ADGRB3: variants seen among roughly 807,000 people sequenced by gnomAD.
The protein encoded by ADGRB3 is adhesion G protein-coupled receptor B3.
ADGRB3 carries 37 observed loss-of-function variants against 193.4 expected under a neutral mutation model. That is an observed-to-expected ratio of 0.19 (90% CI 0.15 to 0.25). The LOEUF (loss-of-function observed/expected upper bound fraction) is 0.25, where lower values mean the gene tolerates loss of function less well. ADGRB3 is among the 10% of genes least tolerant of loss of function. The pLI is 1.00. For synonymous variants in ADGRB3, 690 were observed against 644.2 expected (o/e 1.07, Z -1.08); for missense variants, 1,637 against 1,852.9 (o/e 0.88, Z 2.14).
intron 17 of ADGRB3, among the ~76,000 whole-genome samples, chr6:69,212,565 G>A (rs1765690588): frequency 6.6e-6 from 1 of 151,892 alleles, no homozygotes; most frequent in African/African-American, 2.4e-5. Flanking sequence ...ACTGAAACAT[G>A]ACCTTTTCTT....
At position 68,936,454 on chromosome 6, in the gene ADGRB3, G is replaced by T. The variant is rs930418853; in HGVS notation, c.869-65G>T. The T allele has an allele frequency of 6.1e-6, 9 of 1,483,390 alleles. No homozygotes were observed. The African/African-American group carries it at 1.1e-4, about 18-fold the overall frequency. 91.9% of individuals were successfully genotyped at this position (1,483,390 alleles called of 1,614,324 possible). A position where few individuals can be genotyped will look rare whatever the true frequency, so the allele number is the denominator to read the frequency against. On this transcript the variant is annotated intron_variant, in intron 4 of 31. Coordinates refer to ENST00000370598, the MANE Select transcript of ADGRB3 (RefSeq NM_001704.3). ...TCTTGCATGTCATAATGTCAGTTTG[G>T]TATAATGCTTACTAGATGAATACTT...
At chr6:68,782,215 T>C (rs1388349909) in intron 3 of ADGRB3, among the ~76,000 whole-genome samples, 1 of 147,530 alleles carries the variant, frequency 6.8e-6, no homozygotes, top group Non-Finnish European at 1.5e-5. Context: ...AGTGAGAACA[T>C]GTGGTGTTTG....
chr6:69,364,071 G>A (rs898643941), intron 29 of ADGRB3, among the ~76,000 whole-genome samples: 15 of 151,926 alleles, frequency 9.9e-5, no homozygotes, highest in African/African-American at 3.6e-4. Context: ...TAAGAAGGAA[G>A]ATTAAAGCCA....
chr6:68,762,701 A>G (rs1766434846), intron 3 of ADGRB3, among the ~76,000 whole-genome samples: 1 of 152,168 alleles, frequency 6.6e-6, no homozygotes, highest in African/African-American at 2.4e-5. Flanking sequence ...AAAATAACTG[A>G]TAAGTGGAAC....
intron 20 of ADGRB3, among the ~76,000 whole-genome samples, chr6:69,268,089 T>C (rs1385955902): frequency 6.6e-6 from 1 of 152,202 alleles, no homozygotes; most frequent in African/African-American, 2.4e-5. Flanking sequence ...AAATTCAGCA[T>C]GTATTCTCGT....
At chr6:68,879,604 C>T (rs1251404418) in intron 3 of ADGRB3, among the ~76,000 whole-genome samples, 1 of 152,044 alleles carries the variant, frequency 6.6e-6, no homozygotes, top group Non-Finnish European at 1.5e-5. Context: ...CACTCCTGAC[C>T]AGCATGCCTG....
chr6:68,731,135 G>C (rs1260919279), intron 3 of ADGRB3, among the ~76,000 whole-genome samples: 1 of 151,382 alleles, frequency 6.6e-6, no homozygotes, highest in Non-Finnish European at 1.5e-5. Context: ...TATATTATAG[G>C]TTAAAGAAAT....
At chr6:68,748,614 G>T (rs1373743889) in intron 3 of ADGRB3, among the ~76,000 whole-genome samples, 1 of 152,126 alleles carries the variant, frequency 6.6e-6, no homozygotes, top group African/African-American at 2.4e-5. Flanking sequence ...CTCCTTTCAT[G>T]GGCTGGCATT....
At chr6:68,736,579 C>G (rs1765877875) in intron 3 of ADGRB3, among the ~76,000 whole-genome samples, 1 of 152,052 alleles carries the variant, frequency 6.6e-6, no homozygotes, top group Admixed American at 6.6e-5. Flanking sequence ...GAGACTGAAG[C>G]TGGAAAGCCT....
Position 69,237,349 on chromosome 6 carries a change from C to T in ADGRB3, c.2712-1775C>T, listed in dbSNP as rs150198884. 2.0e-3 allele frequency among the ~76,000 whole-genome samples: 301 copies of T among 151,924 alleles called. 1 individual carries two copies. Among genetic ancestry groups the T allele is most frequent in the South Asian group, 7.9e-3 (38 of 4,818 alleles). Reference sequence around the variant, plus strand: ...AATAGGCTGTTTTTAAATTTGGTGGCGTTGCATGTAGTTCATCAGAAATGT... The same window carrying T: ...AATAGGCTGTTTTTAAATTTGGTGGTGTTGCATGTAGTTCATCAGAAATGT... On this transcript the variant is annotated intron_variant, in intron 19 of 31. Transcript: ENST00000370598.
chr6:69,037,440 GT>G (rs2150296480), intron 13 of ADGRB3, among the ~76,000 whole-genome samples: 1 of 152,226 alleles, frequency 6.6e-6, no homozygotes, highest in South Asian at 2.1e-4. Context: ...AAATATTTCT[GT>G]TTTAGCTCAT....
chr6:68,742,357 T>C (rs1056599520), intron 3 of ADGRB3, among the ~76,000 whole-genome samples: 1 of 152,168 alleles, frequency 6.6e-6, no homozygotes, highest in Non-Finnish European at 1.5e-5. Flanking sequence ...ATACACATTT[T>C]AAAGGAACTC....
chr6:69,199,120 T>C (rs1216524666), intron 17 of ADGRB3, among the ~76,000 whole-genome samples: 1 of 152,132 alleles, frequency 6.6e-6, no homozygotes. Flanking sequence ...AGTAAATATC[T>C]CTAGAGTGGA....
intron 11 of ADGRB3, among the ~76,000 whole-genome samples, chr6:68,999,585 A>C (rs904801558): frequency 6.6e-6 from 1 of 152,042 alleles, no homozygotes; most frequent in Non-Finnish European, 1.5e-5. Flanking sequence ...TTCTCATCTG[A>C]CTTATGTTTC....
chr6:68,704,917 A>G lies in ADGRB3; in HGVS notation c.757+65485A>G, dbSNP rs188794268. ...CAATATTTTTAATTACGCTTTAAAC[A>G]TATCAGTCTCTATTTATTATAATTA... On this transcript the variant is annotated intron_variant, in intron 3 of 31. Coordinates refer to ENST00000370598, the MANE Select transcript of ADGRB3 (RefSeq NM_001704.3). Among the ~76,000 whole-genome samples the G allele has an allele frequency of 3.0e-4, 45 of 152,350 alleles. No homozygotes were observed. The East Asian group carries it at 8.1e-3, about 27-fold the overall frequency.
intron 17 of ADGRB3, among the ~76,000 whole-genome samples, chr6:69,210,170 A>ATATAT (rs70987458): frequency 7.6e-6 from 1 of 131,772 alleles, no homozygotes; most frequent in African/African-American, 3.0e-5. Context: ...ATATATATAT[A>ATATAT]AAGGGGAGTT....
intron 17 of ADGRB3, among the ~76,000 whole-genome samples, chr6:69,101,432 T>TTGTGTGTGTGTGTGTG (rs1562159870): frequency 3.6e-5 from 2 of 55,744 alleles, no homozygotes; most frequent in African/African-American, 1.1e-4. Flanking sequence ...ACAGTAAGTA[T>TTGTGTGTGTGTGTGTG]CGTGTGTGTG....
intron 3 of ADGRB3, among the ~76,000 whole-genome samples, chr6:68,919,337 T>C (rs1463879420): frequency 6.6e-6 from 1 of 152,214 alleles, no homozygotes; most frequent in Non-Finnish European, 1.5e-5. Context: ...TAAAAAGAAA[T>C]GCGAAATGTA....
chr6:68,836,198 C>A (rs1018583959), intron 3 of ADGRB3, among the ~76,000 whole-genome samples: 1 of 152,026 alleles, frequency 6.6e-6, no homozygotes, highest in Non-Finnish European at 1.5e-5. Flanking sequence ...CTCCCTGCTA[C>A]CCTTTGATAA....
Sources: allele counts gnomAD v4.1 joint callset (sites outside exome capture counted in the v4.1 genomes callset), GRCh38; gene constraint gnomAD v4.1.1; transcripts MANE v1.5; gene names NCBI Gene and HGNC (gene_info 2026-07-23, HGNC 2026-07-21).